Variants in SYT16 observed in about 807,000 individuals in gnomAD.
SYT16 encodes synaptotagmin-16.
Under a neutral mutation model 61.4 loss-of-function variants are expected in SYT16, and 42 were observed. The observed-to-expected ratio is 0.68, with a 90% CI of 0.53 to 0.89. The LOEUF (loss-of-function observed/expected upper bound fraction) is 0.89. Among genes scored for constraint, SYT16 ranks in the 40% least tolerant of loss-of-function variants. The pLI is 0.00. For synonymous variants in SYT16, 314 were observed against 302.3 expected, an observed-to-expected ratio of 1.04 and a Z score of -0.40; for missense variants, 804 against 807.3, an observed-to-expected ratio of 1.00 and a Z score of 0.05.
intron 1 of SYT16, among the ~76,000 whole-genome samples, chr14:61,904,031 G>A (rs969742071): frequency 7.9e-5 from 12 of 152,138 alleles, no homozygotes; most frequent in African/African-American, 2.9e-4. Flanking sequence ...TCCTACAAAC[G>A]CCCAATCACT....
intron 3 of SYT16, among the ~76,000 whole-genome samples, chr14:62,034,385 A>T (rs549103721): frequency 1.4e-4 from 22 of 152,310 alleles, no homozygotes; most frequent in African/African-American, 5.1e-4. Context: ...CATATGTTCA[A>T]ACAAAATCCT....
chr14:61,835,995 G>A (rs954656331), intron 1 of SYT16, among the ~76,000 whole-genome samples: 3 of 152,068 alleles, frequency 2.0e-5, no homozygotes, highest in African/African-American at 7.2e-5. Context: ...TGCCATCACC[G>A]GGAACTTGTT....
At chr14:61,870,003 A>G (rs1434058040) in intron 1 of SYT16, among the ~76,000 whole-genome samples, 2 of 152,216 alleles carry the variant, frequency 1.3e-5, no homozygotes, top group African/African-American at 4.8e-5. Flanking sequence ...TCTTTGCTTT[A>G]GAAGTTATCT....
chr14:62,026,625 AG>A (rs1195921154), intron 3 of SYT16, among the ~76,000 whole-genome samples: 1 of 152,208 alleles, frequency 6.6e-6, no homozygotes, highest in Non-Finnish European at 1.5e-5. Context: ...GTCAAACCAT[AG>A]CCCCCATTTT....
At chr14:61,982,883 T>C (rs1340410876) in intron 2 of SYT16, among the ~76,000 whole-genome samples, 1 of 152,190 alleles carries the variant, frequency 6.6e-6, no homozygotes, top group African/African-American at 2.4e-5. Context: ...CAGAGAAATC[T>C]CTCTCCAAGA....
At chr14:61,862,529 C>T (rs544467411) in intron 1 of SYT16, among the ~76,000 whole-genome samples, 3 of 152,200 alleles carry the variant, frequency 2.0e-5, no homozygotes, top group South Asian at 4.2e-4. Context: ...AGGGATTTCC[C>T]ACCCATGCCC....
At chr14:62,059,254 C>G (rs577045059) in intron 3 of SYT16, among the ~76,000 whole-genome samples, 1 of 152,234 alleles carries the variant, frequency 6.6e-6, no homozygotes, top group African/African-American at 2.4e-5. Context: ...TTAAAAACAG[C>G]CCTCAATTTA....
At chr14:61,953,945 G>A (rs2050769857) in intron 1 of SYT16, among the ~76,000 whole-genome samples, 1 of 152,180 alleles carries the variant, frequency 6.6e-6, no homozygotes, top group African/African-American at 2.4e-5. Flanking sequence ...ATGACTGTTT[G>A]AAAACATCAT....
chr14:61,971,055 A>G (rs1004958335), intron 2 of SYT16, among the ~76,000 whole-genome samples: 1 of 151,998 alleles, frequency 6.6e-6, no homozygotes, highest in African/African-American at 2.4e-5. Flanking sequence ...GAAGGTCTTG[A>G]GGAGAGTACC....
rs535798005 is a variant in SYT16 at position 61,893,394 on chromosome 14, C to A, written c.-324-76738C>A. Among the ~76,000 whole-genome samples, 4 of 152,252 alleles carry A rather than the reference C, an allele frequency of 2.6e-5. No individual in the cohort carries two copies. The East Asian group carries it at 5.8e-4, about 22-fold the overall frequency. ...CTGAAATTCTGCTTTTATGTGAAGC[C>A]TTCCAATATGGCACTGTATAAGAGC... is the stretch of plus-strand genomic sequence containing the variant. On this transcript the variant is annotated intron_variant, in intron 1 of 7. Transcript: ENST00000683842.
chr14:61,825,496 C>T (rs1326899025), intron 1 of SYT16, among the ~76,000 whole-genome samples: 1 of 152,158 alleles, frequency 6.6e-6, no homozygotes, highest in African/African-American at 2.4e-5. Flanking sequence ...GCCTGGGCCA[C>T]ATAGCAAGAC....
intron 7 of SYT16, among the ~76,000 whole-genome samples, chr14:62,096,232 C>A (rs900707837): frequency 4.6e-5 from 7 of 151,960 alleles, no homozygotes; most frequent in Admixed American, 2.0e-4. Context: ...AAATTTAAAA[C>A]ATTTGTACTG....
intron 3 of SYT16, among the ~76,000 whole-genome samples, chr14:62,023,395 A>G (rs1208679541): frequency 2.0e-5 from 3 of 152,200 alleles, no homozygotes; most frequent in African/African-American, 7.2e-5. Context: ...CATACAGGTG[A>G]TAAAATCTCT....
At chr14:61,948,862 A>C (rs1196968568) in intron 1 of SYT16, among the ~76,000 whole-genome samples, 2 of 152,190 alleles carry the variant, frequency 1.3e-5, no homozygotes, top group African/African-American at 4.8e-5. Context: ...GATTCTGGTG[A>C]TGACTTAGGC....
chr14:62,066,384 T>C (rs2056062017), intron 3 of SYT16, among the ~76,000 whole-genome samples: 3 of 152,200 alleles, frequency 2.0e-5, no homozygotes, highest in South Asian at 4.1e-4. Flanking sequence ...CTGCCTCAGT[T>C]TTCTTGGAAA....
intron 1 of SYT16, among the ~76,000 whole-genome samples, chr14:61,944,795 A>G (rs974254768): frequency 5.9e-5 from 9 of 152,180 alleles, no homozygotes; most frequent in Non-Finnish European, 1.3e-4. Flanking sequence ...CTAGAAGAAA[A>G]CCTAGGCAAT....
At chr14:62,031,567 A>G (rs781423518) in intron 3 of SYT16, among the ~76,000 whole-genome samples, 3 of 152,192 alleles carry the variant, frequency 2.0e-5, no homozygotes, top group African/African-American at 7.2e-5. Context: ...TTTTAGAGCT[A>G]AAAGTAAGTT....
chr14:61,858,839 T>TTTTTCTTTTC (rs1187324664), intron 1 of SYT16, among the ~76,000 whole-genome samples: 1 of 150,640 alleles, frequency 6.6e-6, no homozygotes, highest in African/African-American at 2.5e-5. Context: ...ATCATTTTCT[T>TTTTTCTTTTC]TTTTCTTTTC....
At chr14:61,910,214 G>A (rs558490151) in intron 1 of SYT16, among the ~76,000 whole-genome samples, 46 of 128,590 alleles carry the variant, frequency 3.6e-4, no homozygotes, top group Middle Eastern at 3.6e-3. Context: ...TCTGCAAAAT[G>A]TATGCTGTCT....
Sources: allele counts gnomAD v4.1 joint callset (sites outside exome capture counted in the v4.1 genomes callset), GRCh38; gene constraint gnomAD v4.1.1; transcripts MANE v1.5; gene names NCBI Gene and HGNC (gene_info 2026-07-23, HGNC 2026-07-21).